SKAP1: variants seen among roughly 807,000 people sequenced by gnomAD.
SKAP1 encodes the protein src kinase associated phosphoprotein 1, also known as src kinase-associated phosphoprotein 1.
SKAP1 carries 44 observed loss-of-function variants against 58.5 expected under a neutral mutation model. The observed-to-expected ratio is 0.75, with a 90% CI of 0.59 to 0.97. The LOEUF (loss-of-function observed/expected upper bound fraction) is 0.97, where lower values mean the gene tolerates loss of function less well. SKAP1 is among the 50% of genes least tolerant of loss of function. The pLI is 0.00. For missense variants in SKAP1, 390 were observed against 435.2 expected (o/e 0.90, Z 0.92); for synonymous variants, 127 against 149.7 (o/e 0.85, Z 1.11).
intron 4 of SKAP1, among the ~76,000 whole-genome samples, chr17:48,235,321 T>C (rs1037998678): frequency 6.6e-6 from 1 of 152,136 alleles, no homozygotes; most frequent in South Asian, 2.1e-4. Flanking sequence ...CACCACAGAA[T>C]GTGTGACCAT....
At chr17:48,415,346 T>A (rs2067719730) in intron 1 of SKAP1, among the ~76,000 whole-genome samples, 1 of 151,794 alleles carries the variant, frequency 6.6e-6, no homozygotes, top group African/African-American at 2.4e-5. Context: ...AAAAAAAAAT[T>A]AAAAAATAAA....
At chr17:48,284,147 T>A (rs1438759269) in intron 4 of SKAP1, among the ~76,000 whole-genome samples, 2 of 152,222 alleles carry the variant, frequency 1.3e-5, no homozygotes, top group Non-Finnish European at 2.9e-5. Context: ...TGCCAACTTG[T>A]TGACTGGCCA....
intron 1 of SKAP1, among the ~76,000 whole-genome samples, chr17:48,398,139 C>T (rs1408649578): frequency 6.6e-6 from 1 of 152,180 alleles, no homozygotes. Context: ...AAAGAAAGGG[C>T]CACATGGCAG....
chr17:48,439,160 A>G, the SKAP1 span, among the ~76,000 whole-genome samples: 5 of 152,220 alleles, frequency 3.3e-5, no homozygotes, highest in East Asian at 1.9e-4. Context: ...AGCTGTTCCT[A>G]TCTGCTGCTG....
At chr17:48,356,369 T>G (rs2066876501) in intron 3 of SKAP1, among the ~76,000 whole-genome samples, 1 of 152,164 alleles carries the variant, frequency 6.6e-6, no homozygotes, top group South Asian at 2.1e-4. Flanking sequence ...ACCATGCTGT[T>G]TTTTTGTTTG....
intron 4 of SKAP1, among the ~76,000 whole-genome samples, chr17:48,317,863 AGG>A (rs1399888287): frequency 2.6e-5 from 4 of 152,206 alleles, no homozygotes; most frequent in Admixed American, 6.5e-5. Flanking sequence ...AAGCAATCAA[AGG>A]GTAGAGGTAG....
chr17:48,405,454 C>CT (rs1555623987), intron 1 of SKAP1, among the ~76,000 whole-genome samples: 10 of 63,166 alleles, frequency 1.6e-4, no homozygotes, highest in Admixed American at 7.5e-4. Flanking sequence ...TCTTTCTTTT[C>CT]TTTCTTTCTT....
chr17:48,325,034 G>A (rs2066415819), intron 4 of SKAP1, among the ~76,000 whole-genome samples: 1 of 151,946 alleles, frequency 6.6e-6, no homozygotes, highest in South Asian at 2.1e-4. Flanking sequence ...GGATCACGAG[G>A]TCAGGAGATC....
intron 4 of SKAP1, among the ~76,000 whole-genome samples, chr17:48,274,738 T>C (rs2065678304): frequency 6.6e-6 from 1 of 152,102 alleles, no homozygotes; most frequent in African/African-American, 2.4e-5. Context: ...GACAGGGGTC[T>C]CACTATGTTG....
At chr17:48,167,462 G>GCAAA (rs553168354) in intron 10 of SKAP1, among the ~76,000 whole-genome samples, 1 of 152,178 alleles carries the variant, frequency 6.6e-6, no homozygotes, top group Non-Finnish European at 1.5e-5. Context: ...GGTAAGAGCT[G>GCAAA]CAAACACCTC....
chr17:48,414,096 C>A (rs1598676451), intron 1 of SKAP1, among the ~76,000 whole-genome samples: 2 of 152,182 alleles, frequency 1.3e-5, no homozygotes, highest in East Asian at 3.8e-4. Flanking sequence ...CGAAATAGAT[C>A]TAATCTCTAC....
At chr17:48,355,039 T>C (rs1426877975) in intron 3 of SKAP1, among the ~76,000 whole-genome samples, 1 of 152,214 alleles carries the variant, frequency 6.6e-6, no homozygotes, top group African/African-American at 2.4e-5. Flanking sequence ...CCAGGAATAA[T>C]ACCTTCTAAG....
chr17:48,319,769 G>A (rs895157436), intron 4 of SKAP1, among the ~76,000 whole-genome samples: 2 of 152,166 alleles, frequency 1.3e-5, no homozygotes, highest in South Asian at 4.1e-4. Context: ...CTGAGCCTGG[G>A]AGGTTGAGGC....
At chr17:48,444,158 G>T in the SKAP1 span, among the ~76,000 whole-genome samples, 62 of 99,344 alleles carry the variant, frequency 6.2e-4, no homozygotes, top group African/African-American at 1.6e-3. Flanking sequence ...ACTTTGGAAG[G>T]CTAAGGCGGG....
At chr17:48,221,573 A>C (rs1397275444) in intron 4 of SKAP1, among the ~76,000 whole-genome samples, 1 of 152,234 alleles carries the variant, frequency 6.6e-6, no homozygotes. Flanking sequence ...TTTTGGTTTA[A>C]ACCTTCAAGT....
chr17:48,419,563 G>T (rs1188424317), intron 1 of SKAP1, among the ~76,000 whole-genome samples: 1 of 152,098 alleles, frequency 6.6e-6, no homozygotes, highest in African/African-American at 2.4e-5. Context: ...GATTACAGGC[G>T]TGAGCCACCA....
intron 1 of SKAP1, among the ~76,000 whole-genome samples, chr17:48,429,340 T>C (rs1248562012): frequency 6.6e-6 from 1 of 152,194 alleles, no homozygotes; most frequent in East Asian, 1.9e-4. Flanking sequence ...CTTTGGAGTG[T>C]TGGCAGTGTG....
intron 4 of SKAP1, among the ~76,000 whole-genome samples, chr17:48,253,290 T>C (rs1233818430): frequency 2.0e-5 from 3 of 152,164 alleles, no homozygotes; most frequent in Admixed American, 6.6e-5. Context: ...GGATTCTTTT[T>C]TTCTGAGTCT....
At chr17:48,172,604 T>C (rs1361140245) in intron 9 of SKAP1, among the ~76,000 whole-genome samples, 1 of 152,218 alleles carries the variant, frequency 6.6e-6, no homozygotes, top group Non-Finnish European at 1.5e-5. Flanking sequence ...GTAAGCAATG[T>C]TTTGAGGGCT....
Sources: allele counts gnomAD v4.1 joint callset (sites outside exome capture counted in the v4.1 genomes callset), GRCh38; gene constraint gnomAD v4.1.1; transcripts MANE v1.5; gene names NCBI Gene and HGNC (gene_info 2026-07-23, HGNC 2026-07-21).